The following OTUD7B variants were observed in gnomAD, a reference collection of about 807,000 sequenced individuals.
The protein encoded by OTUD7B is OTU deubiquitinase 7B, also known as OTU domain-containing protein 7B.
A neutral mutation model predicts 82.2 loss-of-function variants in OTUD7B; 34 were observed. The observed-to-expected ratio is 0.41, with a 90% CI of 0.31 to 0.55. The LOEUF is 0.55. Ranked by LOEUF, OTUD7B falls within the 20% of genes least tolerant of loss-of-function variation. The pLI, the probability that OTUD7B is intolerant of heterozygous loss-of-function variation, is 0.20. For synonymous variants in OTUD7B, 398 were observed against 402.7 expected (o/e 0.99, Z 0.14); for missense variants, 944 against 1,062.1 (o/e 0.89, Z 1.55).
chr1:149,997,029 G>A (rs1651966270), intron 1 of OTUD7B, among the ~76,000 whole-genome samples: 1 of 152,200 alleles, frequency 6.6e-6, no homozygotes, highest in African/African-American at 2.4e-5. Flanking sequence ...GCAAGGAGCT[G>A]AGTTCCAGGA....
In OTUD7B at chr1:149,971,046, T is replaced by C; in HGVS notation, c.274+17A>G. The stretch of plus-strand genomic sequence containing the variant: ...CTTCCTACTCCATATACGGAAACAT[T>C]CCAGTCACCCCAGTACCTTGAACGA... On this transcript the variant is annotated intron_variant, in intron 3 of 11. Transcript: ENST00000581312. 1 of 1,540,856 alleles carries C rather than the reference T, an allele frequency of 6.5e-7. No homozygotes were observed. The highest frequency in any genetic ancestry group is 8.8e-7 in the Non-Finnish European group (1 of 1,132,714).
intron 1 of OTUD7B, among the ~76,000 whole-genome samples, chr1:149,999,170 G>T (rs587658837): frequency 7.9e-5 from 12 of 152,200 alleles, no homozygotes; most frequent in East Asian, 7.7e-4. Flanking sequence ...TTGCACAGAT[G>T]ATTTAAATCT....
chr1:150,010,192 CAGGA>C (rs587603486), intron 1 of OTUD7B, among the ~76,000 whole-genome samples: 311 of 152,074 alleles, frequency 2.0e-3, no homozygotes, highest in African/African-American at 7.0e-3. Flanking sequence ...CAGCACAGCT[CAGGA>C]AGGGAGGCCG....
the OTUD7B span, among the ~76,000 whole-genome samples, chr1:150,047,090 T>C: frequency 6.6e-6 from 1 of 151,764 alleles, no homozygotes. Flanking sequence ...ACAAAGTCAA[T>C]ATCCTCACAA....
the OTUD7B span, among the ~76,000 whole-genome samples, chr1:150,016,452 CT>C: frequency 0.023 from 2,451 of 106,612 alleles, 100 homozygotes; most frequent in African/African-American, 0.041. Context: ...TTTTCTTTTT[CT>C]TTTTTTTTTT....
chr1:149,948,376 C>CTTT (rs1170239992), intron 10 of OTUD7B, among the ~76,000 whole-genome samples: 2 of 142,308 alleles, frequency 1.4e-5, no homozygotes, highest in East Asian at 2.0e-4. Flanking sequence ...TTCTTTCTTT[C>CTTT]TTTTTTTTTT....
chr1:149,946,604 T>A (rs1192952825), intron 11 of OTUD7B, among the ~76,000 whole-genome samples: 1 of 150,356 alleles, frequency 6.7e-6, no homozygotes, highest in Non-Finnish European at 1.5e-5. Context: ...CAGCCGGGTG[T>A]GGTGGCGCAC....
intron 2 of OTUD7B, among the ~76,000 whole-genome samples, chr1:149,974,169 G>T (rs1412567953): frequency 6.6e-6 from 1 of 152,002 alleles, no homozygotes; most frequent in African/African-American, 2.4e-5. Flanking sequence ...GGGTTCAGGC[G>T]ATTCTCACGC....
chr1:149,984,123 G>A (rs1553780347), intron 1 of OTUD7B, among the ~76,000 whole-genome samples: 1 of 151,928 alleles, frequency 6.6e-6, no homozygotes, highest in African/African-American at 2.4e-5. Context: ...CTTTGCTTTA[G>A]TACCTCAATC....
chr1:149,999,178 T>C (rs1652110679), intron 1 of OTUD7B, among the ~76,000 whole-genome samples: 1 of 152,180 alleles, frequency 6.6e-6, no homozygotes, highest in Non-Finnish European at 1.5e-5. Context: ...ATGATTTAAA[T>C]CTCAATTTTC....
chr1:150,049,855 T>C, the OTUD7B span, among the ~76,000 whole-genome samples: 1 of 152,186 alleles, frequency 6.6e-6, no homozygotes, highest in Admixed American at 6.5e-5. Flanking sequence ...ATGACACAAA[T>C]GAACCACCGT....
At chr1:149,992,388 C>T (rs187841822) in intron 1 of OTUD7B, among the ~76,000 whole-genome samples, 29 of 150,584 alleles carry the variant, frequency 1.9e-4, no homozygotes, top group African/African-American at 6.6e-4. Context: ...TAATTTTTCT[C>T]TTCTACTGAT....
At chr1:150,025,054 A>AAAAAC in the OTUD7B span, among the ~76,000 whole-genome samples, 4 of 150,696 alleles carry the variant, frequency 2.7e-5, no homozygotes, top group East Asian at 4.0e-4. Flanking sequence ...TCTCAAAAAC[A>AAAAAC]AAAACAAAAC....
the OTUD7B span, among the ~76,000 whole-genome samples, chr1:150,062,708 CTTT>C: frequency 1.0e-5 from 1 of 96,056 alleles, no homozygotes; most frequent in Non-Finnish European, 1.9e-5. Flanking sequence ...CTTCTTCTTT[CTTT>C]TTTTTTTTTT....
At chr1:150,027,313 C>A in the OTUD7B span, among the ~76,000 whole-genome samples, 1 of 152,130 alleles carries the variant, frequency 6.6e-6, no homozygotes, top group Non-Finnish European at 1.5e-5. Context: ...AAGCCGGGCA[C>A]AGTGGCTCAC....
chr1:150,059,374 C>CTTT, the OTUD7B span, among the ~76,000 whole-genome samples: 23 of 117,860 alleles, frequency 2.0e-4, no homozygotes, highest in African/African-American at 6.9e-4. Flanking sequence ...CATATTCTTT[C>CTTT]TTTTTTTTTT....
intron 6 of OTUD7B, 26 bp from the exon 7 acceptor site, chr1:149,959,822 T>C (rs934906177): frequency 4.0e-6 from 6 of 1,499,004 alleles, no homozygotes; most frequent in African/African-American, 1.4e-5. Flanking sequence ...GCAGGGGACA[T>C]TGGGCAATTA....
chr1:149,955,531 G>A (rs1648603565), intron 7 of OTUD7B, among the ~76,000 whole-genome samples: 1 of 152,222 alleles, frequency 6.6e-6, no homozygotes, highest in Non-Finnish European at 1.5e-5. Flanking sequence ...GATTTGGGGT[G>A]AAGAGTTCTG....
intron 3 of OTUD7B, among the ~76,000 whole-genome samples, chr1:149,968,806 G>T (rs587599893): frequency 1.3e-5 from 2 of 152,224 alleles, no homozygotes; most frequent in East Asian, 3.9e-4. Context: ...TGCCTCCCAG[G>T]TTCAAGGGAT....
Sources: gnomAD v4.1 joint callset for allele counts (sites outside exome capture counted in the v4.1 genomes callset) on GRCh38, gnomAD v4.1.1 for gene constraint, MANE v1.5 for transcripts, NCBI Gene and HGNC (gene_info 2026-07-23, HGNC 2026-07-21) for gene names.